Variants in CNTN3 observed in about 807,000 individuals in gnomAD.
The protein encoded by CNTN3 is contactin 3.
A neutral mutation model predicts 119.1 loss-of-function variants in CNTN3; 60 were observed. That is an observed-to-expected ratio of 0.50 (90% confidence interval 0.41 to 0.62). CNTN3 has a LOEUF of 0.62. Among genes scored for constraint, CNTN3 ranks in the 20% least tolerant of loss-of-function variants. The probability of loss-of-function intolerance (pLI) is 0.00; values close to 1 mark genes in which losing one functional copy is unlikely to be tolerated. For synonymous variants in CNTN3, 450 were observed against 438.7 expected (o/e 1.03, Z -0.32); for missense variants, 1,101 against 1,242.4 (o/e 0.89, Z 1.71).
intron 20 of CNTN3, among the ~76,000 whole-genome samples, chr3:74,277,650 C>T (rs547705225): frequency 2.3e-4 from 35 of 152,228 alleles, no homozygotes; most frequent in African/African-American, 7.7e-4. Flanking sequence ...GACAACCCCA[C>T]AGCCAAATTA....
At chr3:74,512,253 T>C (rs7431570) in intron 2 of CNTN3, among the ~76,000 whole-genome samples, 24,740 of 152,174 alleles carry the variant, frequency 0.16, 2,155 homozygotes, top group East Asian at 0.28. Flanking sequence ...TAGCCTCCTA[T>C]ATACATGGCC....
At chr3:74,390,948 G>A (rs144123626) in intron 5 of CNTN3, among the ~76,000 whole-genome samples, 24 of 152,184 alleles carry the variant, frequency 1.6e-4, no homozygotes, top group African/African-American at 3.9e-4. Context: ...TTTTTCTGCC[G>A]CTACTCTATT....
chr3:74,418,875 G>A (rs1701571551), intron 5 of CNTN3, among the ~76,000 whole-genome samples: 1 of 151,606 alleles, frequency 6.6e-6, no homozygotes, highest in Admixed American at 6.6e-5. Context: ...TAACACCTCT[G>A]CCTCCAGGGT....
intron 4 of CNTN3, among the ~76,000 whole-genome samples, chr3:74,427,842 A>T (rs1363317189): frequency 1.3e-5 from 2 of 152,212 alleles, no homozygotes; most frequent in African/African-American, 4.8e-5. Flanking sequence ...CATGCAGAAG[A>T]TCTGTATAAT....
intron 5 of CNTN3, among the ~76,000 whole-genome samples, chr3:74,373,910 A>G (rs1704404500): frequency 6.6e-6 from 1 of 152,144 alleles, no homozygotes. Context: ...ATCAAGGTGC[A>G]GACTGGTGCA....
chr3:74,546,762 T>C (rs558629906), intron 1 of CNTN3, among the ~76,000 whole-genome samples: 1 of 152,252 alleles, frequency 6.6e-6, no homozygotes, highest in African/African-American at 2.4e-5. Flanking sequence ...CAACAGCCTA[T>C]TGTGGGACTT....
At chr3:74,346,914 A>G (rs1014349845) in intron 11 of CNTN3, among the ~76,000 whole-genome samples, 3 of 152,150 alleles carry the variant, frequency 2.0e-5, no homozygotes, top group African/African-American at 7.2e-5. Flanking sequence ...ACAAAAATCA[A>G]TTTTTTAGAT....
intron 1 of CNTN3, among the ~76,000 whole-genome samples, chr3:74,559,202 G>C (rs1008246707): frequency 1.3e-5 from 2 of 151,936 alleles, no homozygotes; most frequent in Non-Finnish European, 2.9e-5. Flanking sequence ...GTCTACCTTG[G>C]ACCTCCCTTT....
intron 5 of CNTN3, among the ~76,000 whole-genome samples, chr3:74,385,818 A>G (rs750942965): frequency 2.6e-5 from 4 of 152,202 alleles, no homozygotes; most frequent in Non-Finnish European, 4.4e-5. Context: ...TGTGTGAGCA[A>G]TACTGTGATT....
intron 13 of CNTN3, among the ~76,000 whole-genome samples, chr3:74,332,220 T>C (rs567224440): frequency 1.3e-4 from 20 of 152,226 alleles, no homozygotes; most frequent in Non-Finnish European, 2.5e-4. Context: ...CATGCTGCAA[T>C]GAATACACAA....
intron 3 of CNTN3, among the ~76,000 whole-genome samples, chr3:74,492,635 C>T (rs922551604): frequency 1.1e-4 from 16 of 152,102 alleles, no homozygotes; most frequent in African/African-American, 3.9e-4. Flanking sequence ...GTTATTACTC[C>T]TAAATGATAA....
At chr3:74,437,278 G>A (rs1701883564) in intron 4 of CNTN3, among the ~76,000 whole-genome samples, 2 of 152,022 alleles carry the variant, frequency 1.3e-5, no homozygotes, top group Admixed American at 6.6e-5. Flanking sequence ...TTATCATGGT[G>A]AATGAAGCCC....
At chr3:74,308,918 TATA>T (rs1327131232) in intron 13 of CNTN3, among the ~76,000 whole-genome samples, 1 of 152,102 alleles carries the variant, frequency 6.6e-6, no homozygotes, top group Admixed American at 6.6e-5. Context: ...GCAAAATTAA[TATA>T]ATGAGTAGAA....
chr3:74,330,829 C>T (rs1422380415), intron 13 of CNTN3, among the ~76,000 whole-genome samples: 1 of 147,212 alleles, frequency 6.8e-6, no homozygotes, highest in Non-Finnish European at 1.5e-5. Context: ...TCATTTTTGA[C>T]AAAAATGTTC....
At chr3:74,605,929 A>G (rs1237878823) in intron 1 of CNTN3, among the ~76,000 whole-genome samples, 1 of 152,158 alleles carries the variant, frequency 6.6e-6, no homozygotes, top group Non-Finnish European at 1.5e-5. Flanking sequence ...ACCATCTTGC[A>G]AACAGTCTAT....
intron 2 of CNTN3, among the ~76,000 whole-genome samples, chr3:74,502,161 T>G (rs13070647): frequency 0.86 from 130,103 of 151,856 alleles, 56,541 homozygotes; most frequent in Non-Finnish European, 0.94. Context: ...TTCTGATGTT[T>G]GTACAGCTTG....
rs1701601256 is a variant in CNTN3, at chr3:74,262,862, AG to A, written c.*1538del. The A allele has an allele frequency of 6.6e-6, 1 of 152,144 alleles. No homozygotes were observed. The highest frequency in any genetic ancestry group is 1.5e-5 in the Non-Finnish European group (1 of 67,980). 9.4% of individuals were successfully genotyped at this position (152,144 alleles called of 1,614,324 possible). A position where few individuals can be genotyped will look rare whatever the true frequency, so the allele number is the denominator to read the frequency against. ...TAACAATGGTCATATGAAATCTACT[AG>A]TCATTCAGATTGTTTCAATATATAC... On this transcript the variant is annotated 3_prime_UTR_variant, in exon 23 of 23. Transcript: ENST00000263665.
At chr3:74,528,540 C>T (rs1703652217) in intron 1 of CNTN3, among the ~76,000 whole-genome samples, 1 of 151,786 alleles carries the variant, frequency 6.6e-6, no homozygotes, top group Non-Finnish European at 1.5e-5. Context: ...TCCTCACAAC[C>T]ACTCATGGGG....
At chr3:74,519,823 C>T (rs1193083962) in intron 2 of CNTN3, among the ~76,000 whole-genome samples, 1 of 151,582 alleles carries the variant, frequency 6.6e-6, no homozygotes, top group African/African-American at 2.4e-5. Flanking sequence ...GTTTTAGGAA[C>T]AAAATTGAGG....
Sources: allele counts gnomAD v4.1 joint callset (sites outside exome capture counted in the v4.1 genomes callset), GRCh38; gene constraint gnomAD v4.1.1; transcripts MANE v1.5; gene names NCBI Gene and HGNC (gene_info 2026-07-23, HGNC 2026-07-21).